GOLIM4: variants seen among roughly 807,000 people sequenced by gnomAD.
GOLIM4 encodes golgi integral membrane protein 4.
Under a neutral mutation model 107.4 loss-of-function variants are expected in GOLIM4, and 71 were observed. That is an observed-to-expected ratio of 0.66 (90% CI 0.55 to 0.81). The LOEUF (loss-of-function observed/expected upper bound fraction) is 0.81, where lower values mean the gene tolerates loss of function less well. GOLIM4 is among the 30% of genes least tolerant of loss of function. GOLIM4 has a pLI of 0.00. For missense variants in GOLIM4, 830 were observed against 826.1 expected (o/e 1.00, Z -0.06); for synonymous variants, 327 against 294.8 (o/e 1.11, Z -1.12).
chr3:168,027,664 T>C (rs1266164165), intron 12 of GOLIM4, 64 bp downstream of exon 12: 4 of 997,732 alleles, frequency 4.0e-6, no homozygotes, highest in Non-Finnish European at 4.8e-6. Flanking sequence ...ATCAGGCAAG[T>C]TTTCAACTCT....
chr3:168,075,957 T>TA, intron 1 of GOLIM4, among the ~76,000 whole-genome samples: 1 of 152,276 alleles, frequency 6.6e-6, no homozygotes, highest in East Asian at 1.9e-4. Context: ...CAAACATACA[T>TA]ATATAATAAT....
intron 1 of GOLIM4, among the ~76,000 whole-genome samples, chr3:168,055,989 C>T (rs978959174): frequency 1.4e-4 from 21 of 152,298 alleles, no homozygotes; most frequent in African/African-American, 5.1e-4. Context: ...CAAATGTTAA[C>T]GACCAAGACA....
rs183781078 is a variant in GOLIM4, at chr3:168,041,626, G to A, written c.518-152C>T. On this transcript the variant is annotated intron_variant, in intron 5 of 15. Coordinates refer to ENST00000470487, the MANE Select transcript of GOLIM4 (RefSeq NM_014498.5). ...ATTCAAAATCAACAAAAATGATATT[G>A]TATTGGGATGTAGCATGGTTTTAGC... The A allele has an allele frequency of 2.0e-5, 11 of 547,772 alleles. No individual in the cohort carries two copies. In the East Asian group the frequency reaches 2.9e-4, roughly 15 times the overall value. 33.9% of individuals were successfully genotyped at this position (547,772 alleles called of 1,614,324 possible).
At position 168,036,822 on chromosome 3, in the gene GOLIM4, T is replaced by G. The variant is rs1718675593; in HGVS notation, c.843+14A>C. On this transcript the variant is annotated intron_variant, in intron 8 of 15. Transcript: ENST00000470487. The stretch of plus-strand genomic sequence containing the variant: ...AAGTGACCTAACCATAGATTACCAG[T>G]TCACGCCCCTTACCTCCTGCACCTC... The G allele has an allele frequency of 6.2e-7, 1 of 1,602,166 alleles. No homozygotes were observed. Among genetic ancestry groups the G allele is most frequent in the African/African-American group, 1.3e-5 (1 of 74,732 alleles).
intron 4 of GOLIM4, 52 bp downstream of exon 4, chr3:168,044,776 G>A: frequency 2.0e-6 from 2 of 992,046 alleles, no homozygotes; most frequent in Middle Eastern, 2.1e-4. Context: ...GTCAGTTCAA[G>A]TATTAGTTAA....
At chr3:168,072,839 C>T (rs906591321) in intron 1 of GOLIM4, among the ~76,000 whole-genome samples, 3 of 152,062 alleles carry the variant, frequency 2.0e-5, no homozygotes, top group Non-Finnish European at 4.4e-5. Flanking sequence ...AGAACTTATT[C>T]TAAAGACACA....
In GOLIM4 at chr3:168,044,827, C is replaced by G; in HGVS notation, c.366+1G>C. The stretch of plus-strand genomic sequence containing the variant: ...ATAAATAACAACTTTAGATTACTCA[C>G]TTTCAACATCTGATGTTGGACATTC... On this transcript the variant is annotated splice_donor_variant, in intron 4 of 15. Transcript: ENST00000470487. LOFTEE classifies it high-confidence loss of function. The G allele has an allele frequency of 6.6e-7, 1 of 1,513,266 alleles. No individual in the cohort carries two copies. The highest frequency in any genetic ancestry group is 9.1e-7 in the Non-Finnish European group (1 of 1,104,186). The allele number at this position is 1,513,266 out of a possible 1,614,324, so 93.7% of individuals were successfully genotyped here. A position where few individuals can be genotyped will look rare whatever the true frequency, so the allele number is the denominator to read the frequency against.
chr3:168,031,483 TA>T (rs915026605), intron 9 of GOLIM4, among the ~76,000 whole-genome samples: 8 of 152,310 alleles, frequency 5.3e-5, no homozygotes, highest in African/African-American at 1.9e-4. Flanking sequence ...TATGCATCAA[TA>T]AAAAGTGTCT....
chr3:168,029,738 G>A, intron 10 of GOLIM4, 42 bp downstream of exon 10: 1 of 1,601,096 alleles, frequency 6.2e-7, no homozygotes, highest in Non-Finnish European at 8.5e-7. Flanking sequence ...ATGAAAACTG[G>A]AGCAGGGGCT....
At chr3:168,035,037 C>CAAAA (rs796736692) in intron 8 of GOLIM4, among the ~76,000 whole-genome samples, 1 of 66,582 alleles carries the variant, frequency 1.5e-5, no homozygotes, top group South Asian at 5.3e-4. Flanking sequence ...AACAATCATA[C>CAAAA]AAAAAAAAAA....
chr3:168,036,834 A>T lies in GOLIM4; in HGVS notation c.843+2T>A, dbSNP rs769991246. The T allele has an allele frequency of 1.2e-6, 2 of 1,607,316 alleles. No individual in the cohort carries two copies. Among genetic ancestry groups the T allele is most frequent in the African/African-American group, 2.7e-5 (2 of 74,714 alleles). On this transcript the variant is annotated splice_donor_variant, in intron 8 of 15. Coordinates refer to ENST00000470487, the MANE Select transcript of GOLIM4 (RefSeq NM_014498.5). LOFTEE classifies it high-confidence loss of function. The stretch of plus-strand genomic sequence containing the variant: ...CATAGATTACCAGTTCACGCCCCTT[A>T]CCTCCTGCACCTCTCGGGTTGGCTT...
At chr3:168,073,043 T>C (rs995203713) in intron 1 of GOLIM4, among the ~76,000 whole-genome samples, 5 of 152,238 alleles carry the variant, frequency 3.3e-5, no homozygotes, top group African/African-American at 9.6e-5. Flanking sequence ...TAAAAAAATA[T>C]GGTTGCCTTC....
intron 1 of GOLIM4, among the ~76,000 whole-genome samples, chr3:168,062,677 C>T (rs1720337319): frequency 6.6e-6 from 1 of 152,194 alleles, no homozygotes; most frequent in Non-Finnish European, 1.5e-5. Flanking sequence ...CCTCAAGACT[C>T]CCTCTTCTCT....
chr3:168,071,648 AC>A (rs1455261338), intron 1 of GOLIM4, among the ~76,000 whole-genome samples: 2 of 150,832 alleles, frequency 1.3e-5, no homozygotes, highest in African/African-American at 2.4e-5. Flanking sequence ...CAGGGAGATG[AC>A]CCATTTTTGC....
At chr3:168,054,868 T>A (rs1719857747) in intron 1 of GOLIM4, among the ~76,000 whole-genome samples, 1 of 151,994 alleles carries the variant, frequency 6.6e-6, no homozygotes, top group Non-Finnish European at 1.5e-5. Flanking sequence ...TGGGGCAGGT[T>A]TTTCCTGTAC....
intron 1 of GOLIM4, among the ~76,000 whole-genome samples, chr3:168,056,935 T>C (rs1384863699): frequency 6.6e-6 from 1 of 152,086 alleles, no homozygotes; most frequent in Non-Finnish European, 1.5e-5. Context: ...GAAAGCATAA[T>C]TGGTTTTGAA....
At chr3:168,021,741 G>A (rs1298673280) in intron 14 of GOLIM4, among the ~76,000 whole-genome samples, 1 of 152,038 alleles carries the variant, frequency 6.6e-6, no homozygotes, top group Non-Finnish European at 1.5e-5. Context: ...GTCTCATGTA[G>A]GTGTACGTAC....
intron 1 of GOLIM4, among the ~76,000 whole-genome samples, chr3:168,088,575 C>T (rs1351145966): frequency 1.3e-5 from 2 of 152,142 alleles, no homozygotes; most frequent in African/African-American, 4.8e-5. Context: ...GCACTGAAAC[C>T]ACATCTGATG....
chr3:168,043,328 T>C, intron 5 of GOLIM4, 51 bp downstream of exon 5: 1 of 1,274,588 alleles, frequency 7.8e-7, no homozygotes, highest in Non-Finnish European at 1.1e-6. Flanking sequence ...ACTGAAACAT[T>C]AATATCAGTA....
Sources: gnomAD v4.1 joint callset for allele counts (sites outside exome capture counted in the v4.1 genomes callset) on GRCh38, gnomAD v4.1.1 for gene constraint, MANE v1.5 for transcripts, NCBI Gene and HGNC (gene_info 2026-07-23, HGNC 2026-07-21) for gene names.